KIAA0319L: variants seen among roughly 807,000 people sequenced by gnomAD.
The protein encoded by KIAA0319L is KIAA0319 like, also known as dyslexia-associated protein KIAA0319-like protein.
A neutral mutation model predicts 120.1 loss-of-function variants in KIAA0319L; 55 were observed. That is an observed-to-expected ratio of 0.46 (90% CI 0.37 to 0.57). The LOEUF is 0.57. Ranked by LOEUF, KIAA0319L falls within the 20% of genes least tolerant of loss-of-function variation. The pLI, the probability that KIAA0319L is intolerant of heterozygous loss-of-function variation, is 0.00. For synonymous variants in KIAA0319L, 398 were observed against 471.9 expected (o/e 0.84, Z 2.03); for missense variants, 1,049 against 1,255.3 (o/e 0.84, Z 2.48).
chr1:35,452,193 G>A (rs536233853), intron 12 of KIAA0319L, among the ~76,000 whole-genome samples: 3 of 152,186 alleles, frequency 2.0e-5, no homozygotes, highest in East Asian at 1.9e-4. Context: ...TCTTAATCAC[G>A]TGCCCAAATC....
chr1:35,456,510 T>C (rs1384953030), intron 9 of KIAA0319L, among the ~76,000 whole-genome samples: 1 of 151,806 alleles, frequency 6.6e-6, no homozygotes, highest in African/African-American at 2.4e-5. Context: ...TCCTCACATA[T>C]ATGAGGAGAA....
Position 35,442,928 on chromosome 1 carries a change from C to T in KIAA0319L, c.2757G>A (p.Leu919=), listed in dbSNP as rs1641334257. 1.9e-6 allele frequency: 3 copies of T among 1,614,116 alleles called. No homozygotes were observed. The South Asian group carries it at 3.3e-5, about 18-fold the overall frequency. The change falls in exon 18 of 21, where the codon CTG becomes CTA. Residue 919 remains leucine, a synonymous_variant. Transcript: ENST00000325722. ...FWMENFIKVQ[L]RDGDSNCEWS... ...CACCACAGTTGCTGTCTCCATCCCT[C>T]AGCTGCACCTTGATGAAATTCTCCA...
chr1:35,493,347 AAC>A (rs1644671039), intron 3 of KIAA0319L, among the ~76,000 whole-genome samples: 1 of 152,112 alleles, frequency 6.6e-6, no homozygotes, highest in African/African-American at 2.4e-5. Context: ...GTACCCACTA[AAC>A]ATTTTTTTAA....
intron 2 of KIAA0319L, among the ~76,000 whole-genome samples, chr1:35,518,607 A>T (rs999444654): frequency 9.9e-5 from 15 of 152,162 alleles, no homozygotes; most frequent in South Asian, 2.1e-4. Flanking sequence ...ATTGGGTACT[A>T]GGCTTAATAC....
At chr1:35,534,736 G>C (rs909816742) in intron 2 of KIAA0319L, among the ~76,000 whole-genome samples, 1 of 151,738 alleles carries the variant, frequency 6.6e-6, no homozygotes, top group Non-Finnish European at 1.5e-5. Context: ...GCAGGCACCT[G>C]TAATCCCAGC....
At chr1:35,449,491 A>T (rs1410719074) in intron 15 of KIAA0319L, among the ~76,000 whole-genome samples, 1 of 152,220 alleles carries the variant, frequency 6.6e-6, no homozygotes, top group East Asian at 1.9e-4. Flanking sequence ...TCATGACTCA[A>T]GCTATTCCCA....
Position 35,493,542 on chromosome 1 carries a change from G to A in KIAA0319L, c.666+13070C>T, listed in dbSNP as rs376192555. On this transcript the variant is annotated intron_variant, in intron 3 of 20. Transcript: ENST00000325722. ...CAAAAGACTGCAAGATCTGTACACC[G>A]GTGCCCAGCTGGTATACATGTCTTT... Among the ~76,000 whole-genome samples the A allele has an allele frequency of 1.9e-4, 29 of 151,996 alleles. No individual in the cohort carries two copies. The East Asian group carries it at 1.9e-3, about 10-fold the overall frequency.
At chr1:35,513,286 A>ATT (rs1410797390) in intron 2 of KIAA0319L, among the ~76,000 whole-genome samples, 96 of 102,718 alleles carry the variant, frequency 9.3e-4, no homozygotes, top group African/African-American at 2.5e-3. Context: ...ATATATATAT[A>ATT]TATTTTTTTT....
At chr1:35,507,235 C>T (rs752735813) in intron 2 of KIAA0319L, 100 bp from the exon 3 acceptor site, 63 of 1,246,316 alleles carry the variant, frequency 5.1e-5, no homozygotes, top group Middle Eastern at 2.1e-4. Flanking sequence ...ATTTTGAAGA[C>T]GAGTTTTTAA....
intron 2 of KIAA0319L, among the ~76,000 whole-genome samples, chr1:35,522,271 T>C (rs1360989435): frequency 6.6e-6 from 1 of 152,034 alleles, no homozygotes; most frequent in Admixed American, 6.6e-5. Flanking sequence ...TTTATCTATT[T>C]ATTTGTTTGT....
intron 2 of KIAA0319L, among the ~76,000 whole-genome samples, chr1:35,539,870 T>C (rs1646723378): frequency 6.6e-6 from 1 of 152,192 alleles, no homozygotes; most frequent in Non-Finnish European, 1.5e-5. Flanking sequence ...AATGGTGAAC[T>C]TGAATCTGAA....
chr1:35,481,629 G>C (rs978790790), intron 3 of KIAA0319L, among the ~76,000 whole-genome samples: 2 of 151,782 alleles, frequency 1.3e-5, no homozygotes, highest in Non-Finnish European at 2.9e-5. Context: ...GCTTTATTAA[G>C]GTATAATTGA....
At chr1:35,553,824 G>A (rs1487923913) in intron 2 of KIAA0319L, among the ~76,000 whole-genome samples, 1 of 152,206 alleles carries the variant, frequency 6.6e-6, no homozygotes, top group East Asian at 1.9e-4. Context: ...TCTCTAGGAG[G>A]AAAGCATAGT....
chr1:35,434,038 G>A lies in KIAA0319L; in HGVS notation c.*856C>T, dbSNP rs543607465. 4.2e-4 allele frequency: 63 copies of A among 151,802 alleles called. No individual in the cohort carries two copies. Among genetic ancestry groups the A allele is most frequent in the African/African-American group, 1.5e-3 (60 of 41,332 alleles). 9.4% of individuals were successfully genotyped at this position (151,802 alleles called of 1,614,324 possible). On this transcript the variant is annotated 3_prime_UTR_variant, in exon 21 of 21. Transcript: ENST00000325722. ...CTCCCTAATCTCGGGCCGGATGGGA[G>A]AAGGGAGTGGGGCTCCAGTGTTAAG...
intron 17 of KIAA0319L, chr1:35,443,251 G>T: frequency 1.9e-6 from 1 of 531,806 alleles, no homozygotes; most frequent in Non-Finnish European, 3.4e-6. Flanking sequence ...GTCTTCACTT[G>T]TTGTTTGTCT....
chr1:35,434,915 G>A lies in KIAA0319L; in HGVS notation c.3129C>T (p.Ser1043=). The A allele has an allele frequency of 1.2e-6, 2 of 1,612,990 alleles. No homozygotes were observed. Among genetic ancestry groups the A allele is most frequent in the Non-Finnish European group, 1.7e-6 (2 of 1,179,998 alleles). ...PNGQTPLKAR[S]PREEIL Reference sequence around the variant, plus strand: ...GTGGCTACAGGATCTCCTCCCGCGGGCTCCTGGCCTTCAGAGGGGTCTGCC... The same window carrying A: ...GTGGCTACAGGATCTCCTCCCGCGGACTCCTGGCCTTCAGAGGGGTCTGCC... Residue 1043 remains serine, a synonymous_variant, in exon 21 of 21, where the codon AGC becomes AGT. Transcript: ENST00000325722.
intron 2 of KIAA0319L, among the ~76,000 whole-genome samples, chr1:35,542,629 A>G (rs1002647323): frequency 1.3e-5 from 2 of 152,208 alleles, no homozygotes; most frequent in African/African-American, 4.8e-5. Flanking sequence ...GTTCATCTGA[A>G]AATAGGTGTG....
rs1191751323 is a variant in KIAA0319L at position 35,473,100 on chromosome 1, T to C, written c.1015+1705A>G. Among the ~76,000 whole-genome samples the C allele has an allele frequency of 3.0e-5, 4 of 134,244 alleles. No individual in the cohort carries two copies. In the East Asian group the frequency reaches 8.0e-4, roughly 27 times the overall value. 88.1% of individuals were successfully genotyped at this position (134,244 alleles called of 152,430 possible). ...CCAGCCTTTTTTTTTTTTTTTTTTT[T>C]TTTCTTTTTTTTTGAGACAGAGTCT... On this transcript the variant is annotated intron_variant, in intron 5 of 20. Transcript: ENST00000325722.
intron 14 of KIAA0319L, 131 bp from the exon 15 acceptor site, chr1:35,450,136 G>C (rs1408846654): frequency 2.6e-6 from 3 of 1,148,018 alleles, no homozygotes; most frequent in South Asian, 1.4e-5. Flanking sequence ...TCCTGATACG[G>C]AACAGCATTG....
Sources: allele counts gnomAD v4.1 joint callset (sites outside exome capture counted in the v4.1 genomes callset), GRCh38; gene constraint gnomAD v4.1.1; transcripts MANE v1.5; gene names NCBI Gene and HGNC (gene_info 2026-07-23, HGNC 2026-07-21).